SOX5: variants seen among roughly 807,000 people sequenced by gnomAD.
SOX5 encodes the protein transcription factor SOX-5.
In SOX5, 9 loss-of-function variants were observed where a neutral mutation model predicts 92.0. The observed-to-expected ratio is 0.10, with a 90% confidence interval of 0.06 to 0.17. The LOEUF is 0.17. Ranked by LOEUF, SOX5 falls within the 10% of genes least tolerant of loss-of-function variation. SOX5 has a pLI of 1.00. For missense variants in SOX5, 642 were observed against 944.5 expected (o/e 0.68, Z 4.20); for synonymous variants, 344 against 336.3 (o/e 1.02, Z -0.25).
rs572813880 is a variant in SOX5, at chr12:23,672,410, T to C, written c.811-6846A>G. On this transcript the variant is annotated intron_variant, in intron 6 of 14. Coordinates refer to ENST00000451604, the MANE Select transcript of SOX5 (RefSeq NM_006940.6). ...TTCAAAACTGCCTGTCACATTTTCT[T>C]TTTCTAATTCCCCTCTTCCTCCTCC... Among the ~76,000 whole-genome samples the C allele has an allele frequency of 2.6e-5, 4 of 152,250 alleles. No homozygotes were observed. The South Asian group carries it at 8.3e-4, about 32-fold the overall frequency.
chr12:23,563,306 C>T lies in SOX5; in HGVS notation c.1440G>A (p.Lys480=), dbSNP rs1946532825. The change falls in exon 11 of 15, where the codon AAG becomes AAA. Residue 480 remains lysine, a synonymous_variant. Coordinates refer to ENST00000451604, the MANE Select transcript of SOX5 (RefSeq NM_006940.6). The stretch of plus-strand genomic sequence containing the variant: ...GACCCAGACTATTCACAACAGCCAC[C>T]TTCCCATCAAGCACCTGTTGTTCCC... The part of the protein sequence containing the change: ...LRREQQVLDG[K]VAVVNSLGLN... The T allele has an allele frequency of 6.2e-7, 1 of 1,613,870 alleles. No homozygotes were observed.
At chr12:23,722,659 C>T (rs979405658) in intron 6 of SOX5, among the ~76,000 whole-genome samples, 3 of 152,132 alleles carry the variant, frequency 2.0e-5, no homozygotes, top group Non-Finnish European at 2.9e-5. Context: ...TATACATACA[C>T]ATATACCACA....
At chr12:23,583,037 A>C (rs961189589) in intron 9 of SOX5, among the ~76,000 whole-genome samples, 4 of 152,096 alleles carry the variant, frequency 2.6e-5, no homozygotes, top group African/African-American at 9.7e-5. Flanking sequence ...ACACACATAT[A>C]TTTGAAAACA....
chr12:23,967,596 A>G (rs1947748316), intron 4 of SOX5, among the ~76,000 whole-genome samples: 1 of 152,150 alleles, frequency 6.6e-6, no homozygotes, highest in Non-Finnish European at 1.5e-5. Flanking sequence ...TGATTTCAGA[A>G]TAATTTTAAG....
intron 4 of SOX5, among the ~76,000 whole-genome samples, chr12:24,001,411 A>G (rs1449291296): frequency 6.6e-6 from 1 of 152,204 alleles, no homozygotes; most frequent in African/African-American, 2.4e-5. Context: ...TTAAATCTAA[A>G]TGGATTTAAA....
At chr12:23,766,265 T>C (rs2094722922) in intron 3 of SOX5, among the ~76,000 whole-genome samples, 1 of 152,090 alleles carries the variant, frequency 6.6e-6, no homozygotes, top group Admixed American at 6.6e-5. Context: ...TTGAATCACA[T>C]AAGCAATATA....
chr12:23,805,309 A>C (rs2142264165), intron 3 of SOX5, among the ~76,000 whole-genome samples: 1 of 152,074 alleles, frequency 6.6e-6, no homozygotes, highest in African/African-American at 2.4e-5. Flanking sequence ...ATAGTGGTAT[A>C]TGTTGATGCA....
intron 3 of SOX5, among the ~76,000 whole-genome samples, chr12:24,231,593 T>A (rs1171210073): frequency 3.9e-5 from 6 of 152,192 alleles, no homozygotes; most frequent in African/African-American, 1.4e-4. Context: ...CAGAAACTTA[T>A]CTAATGTCTC....
intron 3 of SOX5, among the ~76,000 whole-genome samples, chr12:24,252,303 C>A (rs567507191): frequency 3.9e-5 from 6 of 152,114 alleles, no homozygotes; most frequent in Admixed American, 3.3e-4. Context: ...CAAAGACCTA[C>A]GAAATTTTAC....
intron 7 of SOX5, among the ~76,000 whole-genome samples, chr12:23,648,064 C>T (rs1023580680): frequency 5.9e-5 from 9 of 152,116 alleles, no homozygotes; most frequent in Non-Finnish European, 1.3e-4. Flanking sequence ...TTAAGTTTCC[C>T]ATCTTATGTG....
At chr12:24,396,226 T>C (rs1410638864) in intron 1 of SOX5, among the ~76,000 whole-genome samples, 2 of 152,204 alleles carry the variant, frequency 1.3e-5, no homozygotes, top group Admixed American at 6.5e-5. Context: ...AGGCTTTCAT[T>C]TGCTGATGTT....
Position 23,543,532 on chromosome 12 carries a change from TTATGAA to T in SOX5, c.1598-154_1598-149del, listed in dbSNP as rs1942521547. ...TCCAGTTCTTAAGACAGATGCTTGTTTATGAAGTTTTTCTGATAAGCCTTGTGGTGG... is the reference window on the plus strand; with the variant it reads ...TCCAGTTCTTAAGACAGATGCTTGTTGTTTTTCTGATAAGCCTTGTGGTGG... On this transcript the variant is annotated intron_variant, in intron 12 of 14. Coordinates refer to ENST00000451604, the MANE Select transcript of SOX5 (RefSeq NM_006940.6). The T allele has an allele frequency of 2.6e-5, 14 of 545,190 alleles. No individual in the cohort carries two copies. In the East Asian group the frequency reaches 4.0e-4, roughly 16 times the overall value. The allele number at this position is 545,190 out of a possible 1,614,324, so 33.8% of individuals were successfully genotyped here.
In SOX5 at chr12:23,563,459, CGT is replaced by C. The variant is rs1946561015; in HGVS notation, c.1343-58_1343-57del. On this transcript the variant is annotated intron_variant, in intron 10 of 14. Coordinates refer to ENST00000451604, the MANE Select transcript of SOX5 (RefSeq NM_006940.6). ...TTGTATAAAAGCATGTCTAGGCTAGCGTTTAACCATAAAAATCACTTTTCTTG... is the reference window on the plus strand; with the variant it reads ...TTGTATAAAAGCATGTCTAGGCTAGCTTAACCATAAAAATCACTTTTCTTG... 3 of 1,513,196 alleles carry C rather than the reference CGT, an allele frequency of 2.0e-6. No individual in the cohort carries two copies. In the South Asian group the frequency reaches 3.6e-5, roughly 18 times the overall value. The allele number at this position is 1,513,196 out of a possible 1,614,324, so 93.7% of individuals were successfully genotyped here.
At chr12:24,055,325 G>C (rs536213997) in intron 4 of SOX5, among the ~76,000 whole-genome samples, 24 of 152,252 alleles carry the variant, frequency 1.6e-4, no homozygotes, top group Admixed American at 2.0e-4. Context: ...AATATGGCAG[G>C]GGTCCCTCAC....
chr12:24,414,514 C>A (rs564663236), intron 1 of SOX5, among the ~76,000 whole-genome samples: 1 of 152,314 alleles, frequency 6.6e-6, no homozygotes, highest in East Asian at 1.9e-4. Flanking sequence ...AGTGCAAGTT[C>A]AAATGCCCTT....
intron 4 of SOX5, among the ~76,000 whole-genome samples, chr12:24,136,253 C>T (rs2138579836): frequency 6.6e-6 from 1 of 152,332 alleles, no homozygotes. Context: ...TCAAGGGATG[C>T]TGAGAAATCC....
At chr12:23,692,025 C>G (rs1238472658) in intron 6 of SOX5, among the ~76,000 whole-genome samples, 1 of 152,054 alleles carries the variant, frequency 6.6e-6, no homozygotes, top group African/African-American at 2.4e-5. Flanking sequence ...ACTATTTCAG[C>G]AATATACCAA....
intron 4 of SOX5, among the ~76,000 whole-genome samples, chr12:24,205,000 A>C (rs1288432482): frequency 1.3e-5 from 2 of 152,218 alleles, no homozygotes; most frequent in African/African-American, 4.8e-5. Flanking sequence ...TTGGAAAAAA[A>C]ATAGTTGGCT....
At chr12:23,635,481 A>T (rs923280670) in intron 8 of SOX5, among the ~76,000 whole-genome samples, 3 of 152,076 alleles carry the variant, frequency 2.0e-5, no homozygotes, top group Admixed American at 6.6e-5. Flanking sequence ...GAACACATGG[A>T]CACAGGAAGG....
Sources: gnomAD v4.1 joint callset for allele counts (sites outside exome capture counted in the v4.1 genomes callset) on GRCh38, gnomAD v4.1.1 for gene constraint, MANE v1.5 for transcripts, NCBI Gene and HGNC (gene_info 2026-07-23, HGNC 2026-07-21) for gene names.